Variants in EFNA5 observed in about 807,000 individuals in gnomAD.
EFNA5 encodes the protein ephrin-A5.
Under a neutral mutation model 22.9 loss-of-function variants are expected in EFNA5, and 5 were observed. The observed-to-expected ratio is 0.22, with a 90% CI of 0.11 to 0.46. EFNA5 has a LOEUF of 0.46. Ranked by LOEUF, EFNA5 falls within the 20% of genes least tolerant of loss-of-function variation. EFNA5 has a pLI of 0.99. For missense variants in EFNA5, 237 were observed against 293.3 expected (o/e 0.81, Z 1.40); for synonymous variants, 113 against 112.2 (o/e 1.01, Z -0.04).
chr5:107,514,542 G>A (rs976047105), intron 1 of EFNA5, among the ~76,000 whole-genome samples: 1 of 152,118 alleles, frequency 6.6e-6, no homozygotes, highest in Non-Finnish European at 1.5e-5. Flanking sequence ...GAGTGTGTGG[G>A]AGACCCAAGG....
intron 1 of EFNA5, among the ~76,000 whole-genome samples, chr5:107,572,334 G>A (rs544391145): frequency 3.7e-4 from 56 of 152,288 alleles, no homozygotes; most frequent in African/African-American, 1.0e-3. Context: ...AGCAAAGGGT[G>A]CCGTCACAGC....
At chr5:107,433,744 T>A (rs956032391) in intron 1 of EFNA5, among the ~76,000 whole-genome samples, 24 of 151,926 alleles carry the variant, frequency 1.6e-4, no homozygotes, top group African/African-American at 4.1e-4. Flanking sequence ...AACATTTTTT[T>A]AAAAAAATTA....
intron 4 of EFNA5, among the ~76,000 whole-genome samples, chr5:107,386,116 A>G (rs953426248): frequency 1.7e-5 from 2 of 116,930 alleles, no homozygotes; most frequent in Non-Finnish European, 3.3e-5. Flanking sequence ...AATGTCCGTT[A>G]GTTTCTAGGA....
intron 1 of EFNA5, among the ~76,000 whole-genome samples, chr5:107,542,164 T>G (rs1473471545): frequency 6.6e-6 from 1 of 152,166 alleles, no homozygotes; most frequent in African/African-American, 2.4e-5. Context: ...GGGAAAATAA[T>G]ATGTCTTCTT....
rs1747379422 is a variant in EFNA5 at position 107,379,649 on chromosome 5, G to A, written c.*1606C>T. On this transcript the variant is annotated 3_prime_UTR_variant, in exon 5 of 5. Coordinates refer to ENST00000333274, the MANE Select transcript of EFNA5 (RefSeq NM_001962.3). ...AAAGTTCATGACAGCCCCACCACCAGTAGAAACCCCAAGGCTTGCATTTCC... is the reference window on the plus strand; with the variant it reads ...AAAGTTCATGACAGCCCCACCACCAATAGAAACCCCAAGGCTTGCATTTCC... 6.7e-6 allele frequency: 1 copy of A among 149,952 alleles called. No individual in the cohort carries two copies. Among genetic ancestry groups the A allele is most frequent in the South Asian group, 2.1e-4 (1 of 4,750 alleles). The allele number at this position is 149,952 out of a possible 1,614,324, so 9.3% of individuals were successfully genotyped here.
At chr5:107,580,313 G>T (rs1219286083) in intron 1 of EFNA5, among the ~76,000 whole-genome samples, 1 of 152,076 alleles carries the variant, frequency 6.6e-6, no homozygotes, top group African/African-American at 2.4e-5. Flanking sequence ...TGAGAACAGG[G>T]TCTATATTTT....
At chr5:107,589,252 A>G (rs1749265648) in intron 1 of EFNA5, among the ~76,000 whole-genome samples, 1 of 152,238 alleles carries the variant, frequency 6.6e-6, no homozygotes, top group African/African-American at 2.4e-5. Context: ...AGCATAAGCA[A>G]TCTATTTAAC....
chr5:107,490,476 A>C (rs1473190372), intron 1 of EFNA5, among the ~76,000 whole-genome samples: 1 of 152,174 alleles, frequency 6.6e-6, no homozygotes, highest in East Asian at 1.9e-4. Flanking sequence ...TTTCCAAAAA[A>C]AGAATCATCA....
intron 1 of EFNA5, among the ~76,000 whole-genome samples, chr5:107,569,437 ATATT>A (rs1368969608): frequency 7.0e-6 from 1 of 143,688 alleles, no homozygotes; most frequent in African/African-American, 2.5e-5. Context: ...GTGTATATAT[ATATT>A]TATATATGTG....
At chr5:107,386,148 C>CAAAAAAAAAAAAAAAAAAAAAAA (rs33964723) in intron 4 of EFNA5, among the ~76,000 whole-genome samples, 1 of 79,488 alleles carries the variant, frequency 1.3e-5, no homozygotes, top group Non-Finnish European at 2.3e-5. Context: ...AGAAATTCTA[C>CAAAAAAAAAAAAAAAAAAAAAAA]AAAAAAAAAA....
intron 1 of EFNA5, among the ~76,000 whole-genome samples, chr5:107,588,492 C>A (rs1223445191): frequency 6.6e-6 from 1 of 152,188 alleles, no homozygotes. Context: ...TTTCATCAGG[C>A]CATCCTGTTC....
At chr5:107,459,794 G>A (rs1354877280) in intron 1 of EFNA5, among the ~76,000 whole-genome samples, 4 of 152,170 alleles carry the variant, frequency 2.6e-5, no homozygotes, top group Non-Finnish European at 5.9e-5. Flanking sequence ...CAGTGGGGCA[G>A]CACCACCTGG....
chr5:107,638,200 C>T (rs1750427191), intron 1 of EFNA5, among the ~76,000 whole-genome samples: 1 of 152,026 alleles, frequency 6.6e-6, no homozygotes, highest in Non-Finnish European at 1.5e-5. Flanking sequence ...TACTTCTAAT[C>T]ATAGATAACC....
chr5:107,585,439 A>C (rs558871081), intron 1 of EFNA5, among the ~76,000 whole-genome samples: 1 of 152,310 alleles, frequency 6.6e-6, no homozygotes, highest in South Asian at 2.1e-4. Context: ...GGGATCTGGA[A>C]AGATAAATTC....
intron 1 of EFNA5, among the ~76,000 whole-genome samples, chr5:107,430,421 C>T (rs1164116044): frequency 6.6e-6 from 1 of 152,038 alleles, no homozygotes; most frequent in African/African-American, 2.4e-5. Flanking sequence ...AAGTGTCACT[C>T]ATTTTAGCTT....
At chr5:107,615,161 T>C (rs1749887593) in intron 1 of EFNA5, among the ~76,000 whole-genome samples, 1 of 152,132 alleles carries the variant, frequency 6.6e-6, no homozygotes, top group South Asian at 2.1e-4. Context: ...AAAAAAAATC[T>C]TTAAAATGAC....
intron 1 of EFNA5, among the ~76,000 whole-genome samples, chr5:107,453,941 G>C (rs1054540091): frequency 1.8e-4 from 18 of 98,090 alleles, no homozygotes; most frequent in Non-Finnish European, 3.2e-4. Context: ...AACTGAAGGA[G>C]TGTGAGTGTG....
intron 4 of EFNA5, among the ~76,000 whole-genome samples, chr5:107,385,403 A>G (rs1022171393): frequency 5.9e-5 from 9 of 152,210 alleles, no homozygotes; most frequent in African/African-American, 2.2e-4. Context: ...AAAAAAAACC[A>G]TGGGAAAGAT....
At chr5:107,422,792 G>A (rs1748706729) in intron 2 of EFNA5, among the ~76,000 whole-genome samples, 1 of 152,194 alleles carries the variant, frequency 6.6e-6, no homozygotes, top group Non-Finnish European at 1.5e-5. Flanking sequence ...CTGTGACAGA[G>A]CTCTGAGGCT....
Sources: allele counts gnomAD v4.1 joint callset (sites outside exome capture counted in the v4.1 genomes callset), GRCh38; gene constraint gnomAD v4.1.1; transcripts MANE v1.5; gene names NCBI Gene and HGNC (gene_info 2026-07-23, HGNC 2026-07-21).